The following NAV3 variants were observed in gnomAD, a reference collection of about 807,000 sequenced individuals.
NAV3 encodes the protein neuron navigator 3, also known as pore membrane and/or filament interacting like protein 1.
In NAV3, 87 loss-of-function variants were observed where a neutral mutation model predicts 244.7. That is an observed-to-expected ratio of 0.36 (90% CI 0.30 to 0.42). The LOEUF (loss-of-function observed/expected upper bound fraction) is 0.42. Among genes scored for constraint, NAV3 ranks in the 20% least tolerant of loss-of-function variants. NAV3 has a pLI of 1.00. For missense variants in NAV3, 2,663 were observed against 2,893.3 expected, an observed-to-expected ratio of 0.92 and a Z score of 1.83; for synonymous variants, 1,126 against 1,042.2, an observed-to-expected ratio of 1.08 and a Z score of -1.55.
At chr12:77,656,895 G>A (rs1416761175) in intron 2 of NAV3, among the ~76,000 whole-genome samples, 1 of 152,080 alleles carries the variant, frequency 6.6e-6, no homozygotes, top group East Asian at 1.9e-4. Context: ...AAATAAAGAT[G>A]TTCTTTGAAA....
intron 2 of NAV3, among the ~76,000 whole-genome samples, chr12:77,821,142 A>G (rs571512288): frequency 6.6e-6 from 1 of 151,750 alleles, no homozygotes; most frequent in Non-Finnish European, 1.5e-5. Context: ...CAGAGTTCCT[A>G]GTAAAATGCT....
At chr12:77,933,314 G>A (rs1889001082) in intron 1 of NAV3, among the ~76,000 whole-genome samples, 6 of 152,118 alleles carry the variant, frequency 3.9e-5, no homozygotes, top group Non-Finnish European at 1.5e-5. Flanking sequence ...GCGACCCAGG[G>A]CAATGATAGT....
At chr12:78,027,229 A>G (rs887034019) in intron 9 of NAV3, among the ~76,000 whole-genome samples, 2 of 151,984 alleles carry the variant, frequency 1.3e-5, no homozygotes, top group African/African-American at 4.8e-5. Flanking sequence ...TGAAGCCAGG[A>G]GTTCAAGACC....
At position 78,190,239 on chromosome 12, in the gene NAV3, G is replaced by T; in HGVS notation, c.6291+20G>T. The T allele has an allele frequency of 6.3e-7, 1 of 1,579,322 alleles. No homozygotes were observed. The highest frequency in any genetic ancestry group is 1.1e-5 in the South Asian group (1 of 89,526). ...AGTAAGGTATGTTACAGAATTCTAAGAGAACAGCTACAATTTATCCATAAG... is the reference window on the plus strand; with the variant it reads ...AGTAAGGTATGTTACAGAATTCTAATAGAACAGCTACAATTTATCCATAAG... On this transcript the variant is annotated intron_variant, in intron 34 of 39. Coordinates refer to ENST00000397909, the MANE Select transcript of NAV3 (RefSeq NM_001024383.2).
chr12:78,147,937 C>A (rs1423692482), intron 21 of NAV3, among the ~76,000 whole-genome samples: 4 of 151,968 alleles, frequency 2.6e-5, no homozygotes, highest in Non-Finnish European at 5.9e-5. Context: ...CTTATAGAAC[C>A]TAGTGTCAGA....
Position 78,204,903 on chromosome 12 carries a change from A to G in NAV3, c.6835-32A>G, listed in dbSNP as rs181083243. 543 of 1,601,532 alleles carry G rather than the reference A, an allele frequency of 3.4e-4. 2 individuals are homozygous for G. The highest frequency in any genetic ancestry group is 3.7e-5 in the Non-Finnish European group (43 of 1,170,892). On this transcript the variant is annotated intron_variant, in intron 38 of 39. Transcript: ENST00000397909. ...TTTTTGCTGAATAGAAATGCATTTT[A>G]TATATATCCTAAACGCGTGGTCAAC...
intron 2 of NAV3, among the ~76,000 whole-genome samples, chr12:77,795,489 C>T (rs557498984): frequency 1.3e-5 from 2 of 152,184 alleles, no homozygotes; most frequent in Non-Finnish European, 1.5e-5. Context: ...AAGATGGCTA[C>T]ACTAAACAAC....
At chr12:77,820,718 A>G (rs557833543) in intron 2 of NAV3, among the ~76,000 whole-genome samples, 1 of 152,262 alleles carries the variant, frequency 6.6e-6, no homozygotes, top group African/African-American at 2.4e-5. Flanking sequence ...GACAAGCACT[A>G]CAACCTCAAG....
chr12:78,054,803 G>A (rs951084307), intron 11 of NAV3, among the ~76,000 whole-genome samples: 3 of 152,134 alleles, frequency 2.0e-5, no homozygotes, highest in African/African-American at 7.2e-5. Flanking sequence ...GAGAGAGAAA[G>A]AGAGAGAGCG....
At chr12:78,032,422 G>A (rs1879153406) in intron 9 of NAV3, among the ~76,000 whole-genome samples, 1 of 152,170 alleles carries the variant, frequency 6.6e-6, no homozygotes, top group African/African-American at 2.4e-5. Flanking sequence ...AGAAATGCAT[G>A]ACACTCAATA....
chr12:77,991,178 A>C (rs1294539121), intron 5 of NAV3, among the ~76,000 whole-genome samples: 4 of 151,996 alleles, frequency 2.6e-5, no homozygotes, highest in African/African-American at 9.7e-5. Flanking sequence ...GGCACGCACC[A>C]CCAGGTCTGG....
intron 34 of NAV3, among the ~76,000 whole-genome samples, chr12:78,194,850 T>C (rs1959135376): frequency 6.6e-6 from 1 of 152,062 alleles, no homozygotes; most frequent in African/African-American, 2.4e-5. Context: ...CATCAAGGTA[T>C]TACCCAATCT....
At chr12:77,840,640 C>T in intron 1 of NAV3, among the ~76,000 whole-genome samples, 1 of 152,156 alleles carries the variant, frequency 6.6e-6, no homozygotes, top group East Asian at 1.9e-4. Flanking sequence ...TTTGTGTGAA[C>T]TGGGTAGCAA....
intron 1 of NAV3, among the ~76,000 whole-genome samples, chr12:77,883,281 G>A (rs1451180452): frequency 6.6e-6 from 1 of 152,088 alleles, no homozygotes; most frequent in Non-Finnish European, 1.5e-5. Context: ...ACAAAATCAT[G>A]TCCTTTGCAG....
intron 2 of NAV3, among the ~76,000 whole-genome samples, chr12:77,653,086 G>C (rs1296543473): frequency 1.3e-5 from 2 of 152,210 alleles, no homozygotes; most frequent in Non-Finnish European, 2.9e-5. Context: ...AAACGGGTCA[G>C]AGCCTTTAAT....
intron 9 of NAV3, among the ~76,000 whole-genome samples, chr12:78,047,551 C>A (rs536668932): frequency 2.0e-5 from 3 of 152,302 alleles, no homozygotes; most frequent in African/African-American, 4.8e-5. Flanking sequence ...CTCCCTCTGG[C>A]TTTTAGGGTT....
At chr12:77,697,385 T>A (rs1350119555) in intron 2 of NAV3, among the ~76,000 whole-genome samples, 3 of 152,124 alleles carry the variant, frequency 2.0e-5, no homozygotes, top group African/African-American at 7.2e-5. Flanking sequence ...GATGTTAGAG[T>A]AAGACAGTCC....
intron 2 of NAV3, among the ~76,000 whole-genome samples, chr12:77,573,085 G>C (rs1868905968): frequency 6.6e-6 from 1 of 152,136 alleles, no homozygotes; most frequent in Non-Finnish European, 1.5e-5. Flanking sequence ...GGTGTGTGGG[G>C]ACCCAGTAGC....
At chr12:77,580,039 A>G (rs147678083) in intron 2 of NAV3, among the ~76,000 whole-genome samples, 165 of 152,190 alleles carry the variant, frequency 1.1e-3, no homozygotes, top group African/African-American at 3.6e-3. Flanking sequence ...CTCCTTTCTC[A>G]TCACTGACTT....
Sources: allele counts gnomAD v4.1 joint callset (sites outside exome capture counted in the v4.1 genomes callset), GRCh38; gene constraint gnomAD v4.1.1; transcripts MANE v1.5; gene names NCBI Gene and HGNC (gene_info 2026-07-23, HGNC 2026-07-21).